Variants in MOV10L1 observed in about 807,000 individuals in gnomAD.
MOV10L1 encodes Mov10 like RNA helicase 1.
Under a neutral mutation model 143.8 loss-of-function variants are expected in MOV10L1, and 110 were observed. The ratio of observed to expected loss-of-function variants is 0.76; its 90% CI spans 0.66 to 0.90. MOV10L1 has a LOEUF of 0.90. Ranked by LOEUF, MOV10L1 falls within the 40% of genes least tolerant of loss-of-function variation. MOV10L1 has a pLI of 0.00. For synonymous variants in MOV10L1, 593 were observed against 581.1 expected (o/e 1.02, Z -0.29); for missense variants, 1,406 against 1,526.8 (o/e 0.92, Z 1.32).
rs1258089574 is a variant in MOV10L1 at position 50,152,122 on chromosome 22, T to C, written c.2893-923T>C. Among the ~76,000 whole-genome samples the C allele has an allele frequency of 1.3e-5, 2 of 150,542 alleles. No individual in the cohort carries two copies. Among genetic ancestry groups the C allele is most frequent in the African/African-American group, 2.4e-5 (1 of 41,354 alleles). On this transcript the variant is annotated intron_variant, in intron 21 of 26. Transcript: ENST00000262794. This position sits in a 1 kb window ranked among gnomAD's most constrained non-coding sequence, Gnocchi z 4.4. ...GCCAATCATGGCGTTCTCGTGCCAGTGTCATCTGGCGAGTAACAGACAGCA... is the reference window on the plus strand; with the variant it reads ...GCCAATCATGGCGTTCTCGTGCCAGCGTCATCTGGCGAGTAACAGACAGCA...
At position 50,143,052 on chromosome 22, in the gene MOV10L1, T is replaced by C. The variant is rs981450366; in HGVS notation, c.2189T>C (p.Ile730Thr). The change falls in exon 17 of 27, where the codon ATT becomes ACT. Residue 730 changes from isoleucine to threonine, a missense_variant. Physicochemically the swap from Ile to Thr is moderately conservative, Grantham distance 89. This residue lies in a region of MOV10L1 where 1,233 missense variants were observed against 1,351.4 expected (regional missense o/e 0.91). Coordinates refer to ENST00000262794, the MANE Select transcript of MOV10L1 (RefSeq NM_018995.3). ...TAEMSDWVDE[I>T]QTPKARKMEF... ...TTCACTTTGAATACAGTAGATGAAA[T>C]TCAGACCCCTAAAGCAAGAAAGATG... The C allele has an allele frequency of 3.7e-6, 6 of 1,613,808 alleles. No individual in the cohort carries two copies. The highest frequency in any genetic ancestry group is 1.3e-5 in the African/African-American group (1 of 74,872).
intron 22 of MOV10L1, among the ~76,000 whole-genome samples, chr22:50,154,720 G>T (rs1040183559): frequency 1.3e-5 from 2 of 152,106 alleles, no homozygotes; most frequent in East Asian, 3.9e-4. Context: ...AATTATCCTT[G>T]GGTTTCTGAT....
intron 15 of MOV10L1, among the ~76,000 whole-genome samples, chr22:50,139,559 GA>G (rs939571949): frequency 2.6e-4 from 38 of 144,072 alleles, no homozygotes; most frequent in Middle Eastern, 3.5e-3. Flanking sequence ...AAAAAACAAA[GA>G]AAAAAAAAAG....
intron 6 of MOV10L1, 147 bp from the exon 7 acceptor site, chr22:50,114,234 T>A (rs560047223): frequency 9.7e-7 from 1 of 1,027,392 alleles, no homozygotes; most frequent in African/African-American, 1.6e-5. Context: ...CTTTTCAAAA[T>A]TTTTTACCCA....
At chr22:50,153,263 C>A in intron 22 of MOV10L1, 45 bp downstream of exon 22, 2 of 1,563,240 alleles carry the variant, frequency 1.3e-6, no homozygotes, top group South Asian at 1.2e-5. Flanking sequence ...CGGGTAAGGA[C>A]AGTATGGCAG....
chr22:50,103,458 A>T (rs1272937455), intron 3 of MOV10L1, among the ~76,000 whole-genome samples: 1 of 151,850 alleles, frequency 6.6e-6, no homozygotes, highest in Non-Finnish European at 1.5e-5. Context: ...AGGCTGAAGC[A>T]CTCTCTGTGG....
chr22:50,114,240 A>T, intron 6 of MOV10L1, 141 bp from the exon 7 acceptor site: 2 of 1,050,894 alleles, frequency 1.9e-6, no homozygotes, highest in Non-Finnish European at 2.7e-6. Flanking sequence ...AAAATTTTTT[A>T]CCCAAAAATG....
intron 26 of MOV10L1, 108 bp from the exon 27 acceptor site, chr22:50,161,260 C>G (rs990873182): frequency 6.6e-6 from 7 of 1,056,360 alleles, no homozygotes; most frequent in Non-Finnish European, 9.7e-6. Flanking sequence ...CATAGGCTAA[C>G]AGGGTAAACT....
At chr22:50,092,574 G>T (rs986821224) in intron 2 of MOV10L1, among the ~76,000 whole-genome samples, 4 of 152,284 alleles carry the variant, frequency 2.6e-5, no homozygotes, top group African/African-American at 9.6e-5. Flanking sequence ...GAGGGTCAAG[G>T]CTGCAATGAG....
At chr22:50,131,955 A>G (rs180774345) in intron 13 of MOV10L1, among the ~76,000 whole-genome samples, 12 of 152,338 alleles carry the variant, frequency 7.9e-5, no homozygotes, top group East Asian at 7.7e-4. Flanking sequence ...TCAAGGCACC[A>G]GCAGGTTCAG....
chr22:50,112,033 T>G (rs9617078), intron 5 of MOV10L1, among the ~76,000 whole-genome samples: 34,168 of 152,132 alleles, frequency 0.22, 4,205 homozygotes, highest in Admixed American at 0.35. Flanking sequence ...CCATGTAAGG[T>G]AGCAGCCGGA....
At chr22:50,112,294 GC>G (rs1446352606) in intron 5 of MOV10L1, among the ~76,000 whole-genome samples, 5 of 152,212 alleles carry the variant, frequency 3.3e-5, no homozygotes, top group Admixed American at 3.3e-4. Flanking sequence ...TCTGCTTTCA[GC>G]CCAGTCCGCT....
In MOV10L1 at chr22:50,134,541, G is replaced by A; in HGVS notation, c.1981G>A (p.Glu661Lys). The A allele has an allele frequency of 6.2e-7, 1 of 1,614,072 alleles. No homozygotes were observed. The highest frequency in any genetic ancestry group is 8.5e-7 in the Non-Finnish European group (1 of 1,179,966). Reference protein sequence around the residue: ...IHLGVKVLFPEEIILQSPQVT... With the variant: ...IHLGVKVLFPKEIILQSPQVT... ...TTTTGTTTTAAAAGTGTTGTTTCCAGAAGAAATTATTTTACAGTCTCCACA... is the reference window on the plus strand; with the variant it reads ...TTTTGTTTTAAAAGTGTTGTTTCCAAAAGAAATTATTTTACAGTCTCCACA... The change falls in exon 15 of 27, where the codon GAA becomes AAA. Residue 661 changes from glutamate (E) to lysine (K), a missense_variant. Glu to Lys is a moderately conservative substitution (Grantham distance 56). Coordinates refer to ENST00000262794, the MANE Select transcript of MOV10L1 (RefSeq NM_018995.3).
chr22:50,123,219 T>C (rs890536804), intron 10 of MOV10L1, among the ~76,000 whole-genome samples: 3 of 132,612 alleles, frequency 2.3e-5, no homozygotes, highest in African/African-American at 7.7e-5. Context: ...AAAAAAAAAA[T>C]TCAATTGCTT....
chr22:50,106,831 A>G (rs1224944059), intron 3 of MOV10L1, among the ~76,000 whole-genome samples: 3 of 150,308 alleles, frequency 2.0e-5, no homozygotes, highest in East Asian at 4.0e-4. Context: ...CCTCCCGAGT[A>G]GCTGGGACCA....
chr22:50,153,200 C>T lies in MOV10L1; in HGVS notation c.3048C>T (p.Leu1016=). The T allele has an allele frequency of 1.9e-6, 3 of 1,613,792 alleles. No homozygotes were observed. The highest frequency in any genetic ancestry group is 1.1e-5 in the South Asian group (1 of 91,044). The change falls in exon 22 of 27, where the codon CTC becomes CTT. Residue 1016 remains leucine, a synonymous_variant. Transcript: ENST00000262794. ...WEKLPKKGFP[L]IFHGVRGSEA... ...AGTTGCCTAAGAAAGGCTTCCCTCT[C>T]ATCTTCCATGGTGTGCGGGTGAGTT...
intron 12 of MOV10L1, among the ~76,000 whole-genome samples, chr22:50,126,671 T>G (rs2062516274): frequency 6.6e-6 from 1 of 152,120 alleles, no homozygotes; most frequent in Non-Finnish European, 1.5e-5. Context: ...TGGTTCTGCA[T>G]GGGGTGGTCT....
chr22:50,099,635 A>G (rs891851241), intron 3 of MOV10L1, 33 bp downstream of exon 3: 2 of 1,581,104 alleles, frequency 1.3e-6, no homozygotes, highest in East Asian at 4.5e-5. Context: ...CACATTGAAA[A>G]TTAGGTTTTG....
In MOV10L1 at chr22:50,152,502, T is replaced by C. The variant is rs1385327226; in HGVS notation, c.2893-543T>C. On this transcript the variant is annotated intron_variant, in intron 21 of 26. Coordinates refer to ENST00000262794, the MANE Select transcript of MOV10L1 (RefSeq NM_018995.3). This position sits in a 1 kb window ranked among gnomAD's most constrained non-coding sequence, Gnocchi z 4.4. ...GGAGGCAGACAGTAAAGGTGTCCCA[T>C]GTACTGGTGATATCACAGTCACCCT... 6.6e-6 allele frequency among the ~76,000 whole-genome samples: 1 copy of C among 152,154 alleles called. No individual in the cohort carries two copies. The highest frequency in any genetic ancestry group is 1.5e-5 in the Non-Finnish European group (1 of 68,014).
Sources: gnomAD v4.1 joint callset for allele counts (sites outside exome capture counted in the v4.1 genomes callset) on GRCh38, gnomAD v4.1.1 for gene constraint, gnomAD v4.1.1 regional missense constraint, Gnocchi (gnomAD v3.1) non-coding constraint, MANE v1.5 for transcripts, NCBI Gene and HGNC (gene_info 2026-07-23, HGNC 2026-07-21) for gene names.